Variants in BCORL1 observed in about 807,000 individuals in gnomAD.
The protein encoded by BCORL1 is BCL-6 corepressor-like protein 1.
Under a neutral mutation model 87.6 loss-of-function variants are expected in BCORL1, and 7 were observed. That is an observed-to-expected ratio of 0.08 (90% CI 0.05 to 0.15). The LOEUF (loss-of-function observed/expected upper bound fraction) is 0.15. Among genes scored for constraint, BCORL1 ranks in the 10% least tolerant of loss-of-function variants. The pLI is 1.00. For missense variants in BCORL1, 1,215 were observed against 1,499.7 expected, an observed-to-expected ratio of 0.81 and a Z score of 3.13; for synonymous variants, 591 against 634.4, an observed-to-expected ratio of 0.93 and a Z score of 1.03.
At position 130,006,570 on chromosome X, in the gene BCORL1, A is replaced by G. The variant is rs1383889201; in HGVS notation, c.86+1253A>G. On this transcript the variant is annotated intron_variant, in intron 2 of 13. Transcript: ENST00000540052. ...GAGACGGGGTTTCACCATGTTAGCCAGGATGGTCTCAATCTCCTGACCTCG... is the reference window on the plus strand; with the variant it reads ...GAGACGGGGTTTCACCATGTTAGCCGGGATGGTCTCAATCTCCTGACCTCG... Among the ~76,000 whole-genome samples the G allele has an allele frequency of 2.7e-5, 3 of 110,755 alleles. No homozygotes were observed. The East Asian group carries it at 8.4e-4, about 31-fold the overall frequency.
At position 130,025,306 on chromosome X, in the gene BCORL1, G is replaced by T; in HGVS notation, c.4005G>T (p.Gln1335His). 8.4e-7 allele frequency: 1 copy of T among 1,196,287 alleles called. No individual in the cohort carries two copies. Among genetic ancestry groups the T allele is most frequent in the Non-Finnish European group, 1.1e-6 (1 of 888,859 alleles). ...GLLKRKKRRR[Q>H]KSRKYQTGEY... ...TGAAGAGGAAGAAACGAAGACGGCA[G>T]AAGAGCCGAAAATATCAGACTGGGG... is the stretch of plus-strand genomic sequence containing the variant. Residue 1335 changes from glutamine (Q) to histidine (H), a missense_variant, in exon 7 of 14, where the codon CAG (glutamine) becomes CAT (histidine). Around this residue, in one of 5 missense-constraint regions of BCORL1, gnomAD observed 166 missense variants for 196.5 expected, o/e 0.84. Coordinates refer to ENST00000540052, the MANE Select transcript of BCORL1 (RefSeq NM_001379451.1).
At chrX:130,018,720 A>G (rs1002198531) in intron 4 of BCORL1, among the ~76,000 whole-genome samples, 1 of 112,390 alleles carries the variant, frequency 8.9e-6, no homozygotes, top group East Asian at 2.8e-4. Context: ...TGGGCCCACT[A>G]TCAAATGCAG....
chrX:130,057,503 G>T lies in BCORL1; in HGVS notation c.*1367G>T. On this transcript the variant is annotated 3_prime_UTR_variant, in exon 14 of 14. Coordinates refer to ENST00000540052, the MANE Select transcript of BCORL1 (RefSeq NM_001379451.1). ...TTTTTCTACCAATTGCTATTTTTCC[G>T]AACAATCCTTGTAGAGTATGTACCA... 1 of 113,706 alleles carries T rather than the reference G, an allele frequency of 8.8e-6. No individual in the cohort carries two copies. The highest frequency in any genetic ancestry group is 1.9e-5 in the Non-Finnish European group (1 of 53,394). 9.4% of individuals were successfully genotyped at this position (113,706 alleles called of 1,213,427 possible). A position where few individuals can be genotyped will look rare whatever the true frequency, so the allele number is the denominator to read the frequency against.
At chrX:130,003,374 CTTTT>C (rs59574323) in intron 1 of BCORL1, among the ~76,000 whole-genome samples, 1 of 91,513 alleles carries the variant, frequency 1.1e-5, no homozygotes, top group Non-Finnish European at 2.2e-5. Flanking sequence ...TCTTCTTCTT[CTTTT>C]TTTTTTTTTT....
Position 130,028,714 on chromosome X carries a change from C to T in BCORL1, c.4158C>T (p.Pro1386=), listed in dbSNP as rs1930392740. Residue 1386 remains proline, a synonymous_variant, in exon 8 of 14, where the codon CCC becomes CCT. Transcript: ENST00000540052. The part of the protein sequence containing the change: ...HRLRNRNLLL[P]NKVQGISDSP... ...TCAGGAACAGGAACCTTCTCTTGCC[C>T]AACAAAGTCCAGGGGATCTCGGATT... 4.1e-6 allele frequency: 5 copies of T among 1,208,205 alleles called. No homozygotes were observed. In the African/African-American group the frequency reaches 5.3e-5, roughly 13 times the overall value.
At chrX:130,027,524 C>T (rs1244140759) in intron 7 of BCORL1, among the ~76,000 whole-genome samples, 2 of 112,240 alleles carry the variant, frequency 1.8e-5, no homozygotes, top group African/African-American at 6.5e-5. Context: ...TTGAGAGAGG[C>T]GAGTTGAGAA....
At chrX:130,000,896 TTGTG>T (rs61288678) in intron 1 of BCORL1, among the ~76,000 whole-genome samples, 5,984 of 98,153 alleles carry the variant, frequency 0.061, 449 homozygotes, top group African/African-American at 0.2. Flanking sequence ...GGTGGATGCT[TTGTG>T]TGTGTGTGTG....
chrX:130,054,932 T>C (rs769297386), intron 13 of BCORL1, among the ~76,000 whole-genome samples: 5 of 110,275 alleles, frequency 4.5e-5, no homozygotes, highest in African/African-American at 1.6e-4. Context: ...AAAACTGTAA[T>C]GGTAACAGAA....
At position 130,012,596 on chromosome X, in the gene BCORL1, T is replaced by C; in HGVS notation, c.105T>C (p.Asp35=). 1 of 1,210,641 alleles carries C rather than the reference T, an allele frequency of 8.3e-7. No individual in the cohort carries two copies. Among genetic ancestry groups the C allele is most frequent in the Non-Finnish European group, 1.1e-6 (1 of 894,441 alleles). Residue 35 remains aspartate, a synonymous_variant, in exon 3 of 14, where the codon GAT becomes GAC. Transcript: ENST00000540052. ...ATGCTAGAAGAGCACCTCTTTCTGA[T>C]GAGGAGTCAACGACAGGCGACTGCC... The part of the protein sequence containing the change: ...INEERRAPLS[D]EESTTGDCQH...
Position 129,993,937 on chromosome X carries a change from C to CG in BCORL1, c.-45+11175_-45+11176insG, listed in dbSNP as rs1049670879. 9.5e-4 allele frequency among the ~76,000 whole-genome samples: 105 copies of CG among 109,962 alleles called. 1 individual carries two copies. The highest frequency in any genetic ancestry group is 1.4e-3 in the Non-Finnish European group (71 of 52,422). ...GTAGCTGGGATTACAGATGCCCCCC[C>CG]ACCATGCCCAGCTAATTTTTTGTGT... On this transcript the variant is annotated intron_variant, in intron 1 of 13. Transcript: ENST00000540052.
intron 2 of BCORL1, among the ~76,000 whole-genome samples, chrX:130,008,884 C>T (rs1928729234): frequency 8.9e-6 from 1 of 112,080 alleles, no homozygotes; most frequent in Non-Finnish European, 1.9e-5. Flanking sequence ...GGCAAACCTA[C>T]AGCTAAATGT....
chrX:130,036,453 G>A (rs756013343), intron 9 of BCORL1, among the ~76,000 whole-genome samples: 5 of 110,932 alleles, frequency 4.5e-5, no homozygotes, highest in Non-Finnish European at 7.6e-5. Flanking sequence ...TAGAGAGGGG[G>A]TTTTGCCATG....
chrX:129,983,382 A>T (rs1195912453), intron 1 of BCORL1, among the ~76,000 whole-genome samples: 1 of 94,543 alleles, frequency 1.1e-5, no homozygotes, highest in African/African-American at 3.9e-5. Context: ...CGACGATCCG[A>T]AGGGAGGCTG....
rs147035194 is a variant in BCORL1 at position 130,016,186 on chromosome X, C to T, written c.3414C>T (p.Ala1138=). ...AGCAGCTCCAGCCACAAGCCAAGGC[C>T]GTGGTCCGGAGTTCCCACAGACCCA... ...EEQQLQPQAK[A]VVRSSHRPKC... is the part of the protein sequence containing the mutation. The change falls in exon 4 of 14, where the codon GCC becomes GCT. Residue 1138 remains alanine, a synonymous_variant. Transcript: ENST00000540052. The T allele has an allele frequency of 3.8e-5, 46 of 1,204,200 alleles. No homozygotes were observed. Among genetic ancestry groups the T allele is most frequent in the East Asian group, 2.7e-4 (9 of 33,472 alleles).
intron 1 of BCORL1, among the ~76,000 whole-genome samples, chrX:130,003,352 C>CCTCCTTCTT (rs1556039793): frequency 1.9e-5 from 2 of 103,959 alleles, no homozygotes; most frequent in African/African-American, 7.7e-5. Flanking sequence ...TCCTCCTCCT[C>CCTCCTTCTT]CTTCTTCTTC....
intron 2 of BCORL1, among the ~76,000 whole-genome samples, chrX:130,008,263 C>CT (rs1928655701): frequency 9.7e-6 from 1 of 103,517 alleles, no homozygotes; most frequent in Admixed American, 1.0e-4. Flanking sequence ...CTTAAGAGGA[C>CT]ATTTTTTTTT....
At chrX:130,021,924 A>G (rs757020152) in intron 5 of BCORL1, among the ~76,000 whole-genome samples, 20 of 111,597 alleles carry the variant, frequency 1.8e-4, no homozygotes, top group African/African-American at 6.2e-4. Context: ...AGTAGCTGGG[A>G]CCACAGGCAT....
chrX:130,000,044 G>A (rs1192719286), intron 1 of BCORL1, among the ~76,000 whole-genome samples: 1 of 109,745 alleles, frequency 9.1e-6, no homozygotes, highest in Admixed American at 9.8e-5. Flanking sequence ...AGGCTGAGCT[G>A]GTTTTGTTTT....
At chrX:130,041,278 C>CA (rs56172113) in intron 11 of BCORL1, among the ~76,000 whole-genome samples, 2,360 of 33,191 alleles carry the variant, frequency 0.071, 95 homozygotes, top group African/African-American at 0.13. Context: ...GACAGTGTCT[C>CA]AAAAAAAAAA....
Sources: allele counts gnomAD v4.1 joint callset (sites outside exome capture counted in the v4.1 genomes callset), GRCh38; gene constraint gnomAD v4.1.1; regional missense constraint gnomAD v4.1.1; transcripts MANE v1.5; gene names NCBI Gene and HGNC (gene_info 2026-07-23, HGNC 2026-07-21).